TAFA4: variants seen among roughly 807,000 people sequenced by gnomAD.
TAFA4 encodes the protein TAFA chemokine like family member 4.
A neutral mutation model predicts 21.1 loss-of-function variants in TAFA4; 20 were observed. That is an observed-to-expected ratio of 0.95 (90% CI 0.67 to 1.38). TAFA4 has a LOEUF of 1.38. Among genes scored for constraint, TAFA4 ranks in the 40% most tolerant of loss-of-function variants. The probability of loss-of-function intolerance (pLI) is 0.00; values close to 1 mark genes in which losing one functional copy is unlikely to be tolerated. For synonymous variants in TAFA4, 71 were observed against 67.4 expected, an observed-to-expected ratio of 1.05 and a Z score of -0.26; for missense variants, 211 against 180.9, an observed-to-expected ratio of 1.17 and a Z score of -0.95.
At chr3:68,786,166 A>T (rs1703257011) in intron 3 of TAFA4, among the ~76,000 whole-genome samples, 1 of 152,238 alleles carries the variant, frequency 6.6e-6, no homozygotes, top group Non-Finnish European at 1.5e-5. Context: ...TTAAAAAAGT[A>T]GATATAAGTT....
chr3:68,785,334 T>TC (rs1317582890), intron 3 of TAFA4, among the ~76,000 whole-genome samples: 1 of 152,188 alleles, frequency 6.6e-6, no homozygotes, highest in Non-Finnish European at 1.5e-5. Context: ...CCTTGGGTGG[T>TC]CGATGGGACT....
At chr3:68,784,455 G>T (rs1237909046) in intron 3 of TAFA4, among the ~76,000 whole-genome samples, 1 of 152,118 alleles carries the variant, frequency 6.6e-6, no homozygotes, top group Admixed American at 6.5e-5. Flanking sequence ...CAGGGGTAAA[G>T]CTGGCTCAGG....
At chr3:68,759,237 T>G (rs1472389286) in intron 3 of TAFA4, among the ~76,000 whole-genome samples, 2 of 152,190 alleles carry the variant, frequency 1.3e-5, no homozygotes, top group African/African-American at 4.8e-5. Flanking sequence ...CACCTACATT[T>G]GAAAGGGCCA....
chr3:68,878,596 C>G (rs1046753595), intron 3 of TAFA4, among the ~76,000 whole-genome samples: 1 of 152,124 alleles, frequency 6.6e-6, no homozygotes, highest in Non-Finnish European at 1.5e-5. Context: ...GAAGAAATAA[C>G]AAGAGTTAGC....
intron 3 of TAFA4, among the ~76,000 whole-genome samples, chr3:68,837,442 C>G (rs1704550478): frequency 6.6e-6 from 1 of 152,178 alleles, no homozygotes; most frequent in Admixed American, 6.5e-5. Flanking sequence ...CAATTTCAAC[C>G]CTCCCCTTCC....
At chr3:68,931,510 C>G (rs1374396068) in intron 1 of TAFA4, among the ~76,000 whole-genome samples, 4 of 152,194 alleles carry the variant, frequency 2.6e-5, no homozygotes, top group African/African-American at 9.7e-5. Context: ...AATCCTCTCC[C>G]GAGCTCCTTG....
At chr3:68,852,378 G>C (rs1053900459) in intron 3 of TAFA4, among the ~76,000 whole-genome samples, 1 of 152,128 alleles carries the variant, frequency 6.6e-6, no homozygotes, top group Non-Finnish European at 1.5e-5. Flanking sequence ...GAGCCAAGTG[G>C]GGCCTATTCC....
intron 2 of TAFA4, 60 bp downstream of exon 2, chr3:68,885,111 TTTTG>T: frequency 6.5e-7 from 1 of 1,542,274 alleles, no homozygotes; most frequent in East Asian, 2.3e-5. Context: ...GGATACTCAC[TTTTG>T]CTAAATTCTC....
At chr3:68,760,246 C>T (rs952254471) in intron 3 of TAFA4, among the ~76,000 whole-genome samples, 24 of 152,234 alleles carry the variant, frequency 1.6e-4, no homozygotes, top group Admixed American at 3.9e-4. Flanking sequence ...GAATAAATAG[C>T]TTAAATACAT....
intron 3 of TAFA4, among the ~76,000 whole-genome samples, chr3:68,831,604 C>A (rs562583014): frequency 5.3e-5 from 8 of 152,270 alleles, no homozygotes; most frequent in South Asian, 2.1e-4. Context: ...TTCTCTCTGG[C>A]TGCCCTTAAC....
At chr3:68,896,211 C>G (rs1214050728) in intron 1 of TAFA4, among the ~76,000 whole-genome samples, 1 of 152,092 alleles carries the variant, frequency 6.6e-6, no homozygotes, top group Non-Finnish European at 1.5e-5. Flanking sequence ...CCATAGTGTG[C>G]TGTTAGAATT....
chr3:68,815,906 G>A (rs1241157924), intron 3 of TAFA4, among the ~76,000 whole-genome samples: 2 of 152,082 alleles, frequency 1.3e-5, no homozygotes, highest in Admixed American at 6.6e-5. Flanking sequence ...CAAAGACTTC[G>A]AACCAACCCA....
intron 5 of TAFA4, among the ~76,000 whole-genome samples, chr3:68,736,865 G>T (rs139788673): frequency 6.6e-6 from 1 of 152,242 alleles, no homozygotes; most frequent in South Asian, 2.1e-4. Flanking sequence ...ATTCTCAAGT[G>T]ACATATCACT....
At chr3:68,885,366 A>G in intron 1 of TAFA4, 56 bp from the exon 2 acceptor site, 1 of 586,334 alleles carries the variant, frequency 1.7e-6, no homozygotes, top group South Asian at 2.3e-5. Flanking sequence ...TAATGTTAAA[A>G]TGAAACTAAT....
chr3:68,754,654 T>C (rs1702625045), intron 3 of TAFA4, among the ~76,000 whole-genome samples: 1 of 152,224 alleles, frequency 6.6e-6, no homozygotes, highest in Non-Finnish European at 1.5e-5. Flanking sequence ...TTTATATTAG[T>C]AAGCATTTTG....
chr3:68,781,627 T>C (rs1024864192), intron 3 of TAFA4, among the ~76,000 whole-genome samples: 5 of 152,096 alleles, frequency 3.3e-5, no homozygotes, highest in South Asian at 2.1e-4. Flanking sequence ...CTTTAAAACC[T>C]TCCCACAATG....
At chr3:68,857,067 A>G (rs1447907638) in intron 3 of TAFA4, among the ~76,000 whole-genome samples, 2 of 152,168 alleles carry the variant, frequency 1.3e-5, no homozygotes, top group Non-Finnish European at 2.9e-5. Flanking sequence ...TTACTATTAA[A>G]CTTGTCATGT....
intron 3 of TAFA4, among the ~76,000 whole-genome samples, chr3:68,817,604 G>A (rs555892928): frequency 2.0e-5 from 3 of 152,260 alleles, no homozygotes; most frequent in East Asian, 3.9e-4. Context: ...TAAGTAATAA[G>A]ACTTGTAAGT....
At chr3:68,880,948 G>C in intron 2 of TAFA4, 103 bp from the exon 3 acceptor site, 1 of 785,806 alleles carries the variant, frequency 1.3e-6, no homozygotes, top group Non-Finnish European at 2.1e-6. Flanking sequence ...CAGATCCCTG[G>C]AGCTGGAATT....
Sources: gnomAD v4.1 joint callset for allele counts (sites outside exome capture counted in the v4.1 genomes callset) on GRCh38, gnomAD v4.1.1 for gene constraint, MANE v1.5 for transcripts, NCBI Gene and HGNC (gene_info 2026-07-23, HGNC 2026-07-21) for gene names.